TUSC3: variants seen among roughly 807,000 people sequenced by gnomAD.
The protein encoded by TUSC3 is tumor suppressor candidate 3.
A neutral mutation model predicts 44.8 loss-of-function variants in TUSC3; 45 were observed. That is an observed-to-expected ratio of 1.00 (90% CI 0.79 to 1.29). The LOEUF (loss-of-function observed/expected upper bound fraction) is 1.29. Ranked by LOEUF, TUSC3 falls within the 50% of genes most tolerant of loss-of-function variation. The probability of loss-of-function intolerance (pLI) is 0.00; values close to 1 mark genes in which losing one functional copy is unlikely to be tolerated. For missense variants in TUSC3, 519 were observed against 437.9 expected, an observed-to-expected ratio of 1.19 and a Z score of -1.65; for synonymous variants, 212 against 152.9, an observed-to-expected ratio of 1.39 and a Z score of -2.85.
intron 1 of TUSC3, among the ~76,000 whole-genome samples, chr8:15,583,817 G>A (rs1346156803): frequency 6.6e-6 from 1 of 152,112 alleles, no homozygotes; most frequent in African/African-American, 2.4e-5. Flanking sequence ...AGCCATTTAT[G>A]TATATCCTAA....
intron 2 of TUSC3, among the ~76,000 whole-genome samples, chr8:15,523,640 A>G (rs201628005): frequency 0.25 from 3,445 of 13,540 alleles, 101 homozygotes; most frequent in South Asian, 0.46. Flanking sequence ...CTTTAAAAAC[A>G]TATATATATA....
At chr8:15,427,738 A>G (rs1167003055) in intron 1 of TUSC3, among the ~76,000 whole-genome samples, 2 of 152,144 alleles carry the variant, frequency 1.3e-5, no homozygotes. Context: ...GCAGCCTCAT[A>G]TGGGTAACTA....
chr8:15,440,664 G>A (rs1311272421), intron 1 of TUSC3, among the ~76,000 whole-genome samples: 1 of 152,104 alleles, frequency 6.6e-6, no homozygotes, highest in East Asian at 1.9e-4. Flanking sequence ...TTTAAACAAT[G>A]CTACAAAAAA....
At chr8:15,658,126 T>A (rs73526691) in intron 3 of TUSC3, among the ~76,000 whole-genome samples, 4,351 of 152,214 alleles carry the variant, frequency 0.029, 62 homozygotes, top group East Asian at 0.048. Flanking sequence ...GGACAAACAT[T>A]CAAACCATAG....
Position 15,749,000 on chromosome 8 carries a change from T to C in TUSC3, c.1028+535T>C, listed in dbSNP as rs112002890. Among the ~76,000 whole-genome samples, 295 of 152,302 alleles carry C rather than the reference T, an allele frequency of 1.9e-3. 1 individual carries two copies. Among genetic ancestry groups the C allele is most frequent in the African/African-American group, 6.8e-3 (284 of 41,578 alleles). ...ATTGAAAATTCAAAGGCCGCATTAT[T>C]ATTACCAAACTATAGTTTCAGTAAA... On this transcript the variant is annotated intron_variant, in intron 9 of 10. Transcript: ENST00000503731.
At chr8:15,656,307 A>G (rs917160253) in intron 3 of TUSC3, among the ~76,000 whole-genome samples, 2 of 152,148 alleles carry the variant, frequency 1.3e-5, no homozygotes, top group African/African-American at 2.4e-5. Context: ...GACTCAGGAC[A>G]TGATTCATCC....
chr8:15,433,030 G>C (rs1341625615), intron 1 of TUSC3, among the ~76,000 whole-genome samples: 2 of 152,162 alleles, frequency 1.3e-5, no homozygotes, highest in African/African-American at 2.4e-5. Context: ...AATTCCCTTA[G>C]AAACTGAAGG....
At position 15,452,624 on chromosome 8, in the gene TUSC3, G is replaced by A. The variant is rs564213010; in HGVS notation, n.92-30762G>A. 3.9e-5 allele frequency among the ~76,000 whole-genome samples: 6 copies of A among 152,294 alleles called. No individual in the cohort carries two copies. In the South Asian group the frequency reaches 1.2e-3, roughly 32 times the overall value. ...TAAGCTATAAGGCAGACTTACGTCT[G>A]CCTTGCTTTGTAGTCCAGGACACGT... On this transcript the variant is annotated intron_variant and non_coding_transcript_variant, in intron 1 of 5. Transcript: ENST00000503191.
chr8:15,806,512 A>C, the TUSC3 span: 2 of 1,161,198 alleles, frequency 1.7e-6, no homozygotes, highest in South Asian at 1.2e-5. Context: ...TCTCAGGGTC[A>C]TCAGTGACTT....
At chr8:15,490,124 T>C (rs1800788035) in intron 2 of TUSC3, among the ~76,000 whole-genome samples, 1 of 152,210 alleles carries the variant, frequency 6.6e-6, no homozygotes, top group Non-Finnish European at 1.5e-5. Flanking sequence ...GATTTGGTTT[T>C]ATTTACTATT....
chr8:15,757,734 C>T, intron 9 of TUSC3, 57 bp from the exon 10 acceptor site: 1 of 1,477,662 alleles, frequency 6.8e-7, no homozygotes, highest in Non-Finnish European at 9.5e-7. Flanking sequence ...AATGGAAATT[C>T]AATCTTAAGG....
At chr8:15,690,726 A>G (rs573977616) in intron 6 of TUSC3, among the ~76,000 whole-genome samples, 2 of 152,212 alleles carry the variant, frequency 1.3e-5, no homozygotes, top group Admixed American at 1.3e-4. Context: ...ATGGCTAGCA[A>G]GTTATCCCAG....
chr8:15,764,515 G>A lies in TUSC3; in HGVS notation c.*359G>A. 3.1e-6 allele frequency: 1 copy of A among 319,258 alleles called. No individual in the cohort carries two copies. Among genetic ancestry groups the A allele is most frequent in the Non-Finnish European group, 6.0e-6 (1 of 167,612 alleles). 19.8% of individuals were successfully genotyped at this position (319,258 alleles called of 1,614,324 possible). ...ATGTTTTAGAGCTGTTTACTCATTA[G>A]TAAAGGACCGCAATGTTAGTAAAGA... is the stretch of plus-strand genomic sequence containing the variant. On this transcript the variant is annotated 3_prime_UTR_variant, in exon 11 of 11. Coordinates refer to ENST00000503731, the MANE Select transcript of TUSC3 (RefSeq NM_006765.4).
the TUSC3 span, among the ~76,000 whole-genome samples, chr8:15,815,880 T>A: frequency 6.6e-6 from 1 of 152,134 alleles, no homozygotes; most frequent in Non-Finnish European, 1.5e-5. Context: ...AATTCCAGAA[T>A]AAATTATCAT....
chr8:15,623,438 G>C (rs962898391), intron 2 of TUSC3, among the ~76,000 whole-genome samples, 189 bp downstream of exon 2: 2 of 151,942 alleles, frequency 1.3e-5, no homozygotes, highest in Admixed American at 6.6e-5. Context: ...TTTATTGGGG[G>C]CATGTAAAAT....
At chr8:15,661,717 A>C (rs1186880188) in intron 4 of TUSC3, among the ~76,000 whole-genome samples, 1 of 151,996 alleles carries the variant, frequency 6.6e-6, no homozygotes, top group Non-Finnish European at 1.5e-5. Context: ...TCGTGTTTTA[A>C]AGGATACCGT....
At chr8:15,695,903 A>C (rs1475150987) in intron 6 of TUSC3, among the ~76,000 whole-genome samples, 1 of 152,200 alleles carries the variant, frequency 6.6e-6, no homozygotes, top group Admixed American at 6.5e-5. Context: ...GCAGCAAAGC[A>C]TTCAAGAAGT....
chr8:15,466,055 G>T (rs1054637230), intron 1 of TUSC3, among the ~76,000 whole-genome samples: 1 of 152,082 alleles, frequency 6.6e-6, no homozygotes, highest in Non-Finnish European at 1.5e-5. Context: ...AATATATCCC[G>T]CTTTTTCTTC....
chr8:15,806,717 G>C, the TUSC3 span: 3 of 830,114 alleles, frequency 3.6e-6, no homozygotes, highest in Admixed American at 2.0e-5. Context: ...AAGGGCTTTG[G>C]ATACAGCCAG....
Sources: gnomAD v4.1 joint callset for allele counts (sites outside exome capture counted in the v4.1 genomes callset) on GRCh38, gnomAD v4.1.1 for gene constraint, MANE v1.5 for transcripts, NCBI Gene and HGNC (gene_info 2026-07-23, HGNC 2026-07-21) for gene names.